MYO3B: variants seen among roughly 807,000 people sequenced by gnomAD.
MYO3B encodes myosin-IIIb.
In MYO3B, 156 loss-of-function variants were observed where a neutral mutation model predicts 174.6. The ratio of observed to expected loss-of-function variants is 0.89; its 90% confidence interval spans 0.78 to 1.02. The LOEUF (loss-of-function observed/expected upper bound fraction) is 1.02, where lower values mean the gene tolerates loss of function less well. Ranked by LOEUF, MYO3B falls within the 50% of genes least tolerant of loss-of-function variation. The pLI is 0.00. For synonymous variants in MYO3B, 563 were observed against 569.1 expected, an observed-to-expected ratio of 0.99 and a Z score of 0.15; for missense variants, 1,632 against 1,639.4, an observed-to-expected ratio of 1.00 and a Z score of 0.08.
At chr2:170,312,424 G>T (rs1431498291) in intron 7 of MYO3B, among the ~76,000 whole-genome samples, 1 of 152,246 alleles carries the variant, frequency 6.6e-6, no homozygotes, top group South Asian at 2.1e-4. Flanking sequence ...TTTAGTAGGG[G>T]ATGACTGTGC....
intron 25 of MYO3B, among the ~76,000 whole-genome samples, chr2:170,478,247 G>C (rs1300078077): frequency 6.6e-6 from 1 of 152,044 alleles, no homozygotes; most frequent in Admixed American, 6.5e-5. Flanking sequence ...CATTTAGCCA[G>C]GGAGAAGTGA....
At chr2:170,359,462 A>G (rs1322356731) in intron 8 of MYO3B, among the ~76,000 whole-genome samples, 1 of 152,182 alleles carries the variant, frequency 6.6e-6, no homozygotes, top group Admixed American at 6.5e-5. Flanking sequence ...TAATTGTGTT[A>G]TATCCTTGTT....
chr2:170,182,711 A>G (rs1013768072), intron 1 of MYO3B, among the ~76,000 whole-genome samples: 1 of 144,372 alleles, frequency 6.9e-6, no homozygotes, highest in Non-Finnish European at 1.5e-5. Context: ...TCCCAGGTTT[A>G]TGTTATTCTC....
intron 25 of MYO3B, among the ~76,000 whole-genome samples, chr2:170,490,617 A>C (rs1386437104): frequency 6.6e-6 from 1 of 152,080 alleles, no homozygotes; most frequent in Non-Finnish European, 1.5e-5. Context: ...ATTTGTTCCT[A>C]ATCTTAGGAG....
intron 32 of MYO3B, among the ~76,000 whole-genome samples, chr2:170,597,372 GAAA>G (rs1045370668): frequency 1.6e-5 from 1 of 61,326 alleles, no homozygotes; most frequent in East Asian, 4.2e-4. Context: ...CATCTCAAAA[GAAA>G]AAAAAAAAAA....
intron 7 of MYO3B, among the ~76,000 whole-genome samples, chr2:170,247,595 G>A (rs1292996808): frequency 1.3e-5 from 2 of 152,194 alleles, no homozygotes; most frequent in African/African-American, 4.8e-5. Context: ...GTAGCTTACA[G>A]ACAATAGAAA....
intron 32 of MYO3B, among the ~76,000 whole-genome samples, chr2:170,596,330 G>A (rs906140547): frequency 6.6e-6 from 1 of 152,188 alleles, no homozygotes; most frequent in African/African-American, 2.4e-5. Flanking sequence ...GTCGCTTCAG[G>A]TAGAGGCCCT....
chr2:170,329,426 G>A (rs2093895882), intron 7 of MYO3B, among the ~76,000 whole-genome samples: 1 of 151,768 alleles, frequency 6.6e-6, no homozygotes. Flanking sequence ...CTGTCGCCAG[G>A]CTGGAGTGGA....
intron 16 of MYO3B, among the ~76,000 whole-genome samples, chr2:170,398,699 G>A (rs752760821): frequency 6.6e-6 from 1 of 152,132 alleles, no homozygotes; most frequent in Non-Finnish European, 1.5e-5. Context: ...GGTTTTAGAT[G>A]CTTTTGTGCC....
At chr2:170,615,754 G>T (rs974533539) in intron 32 of MYO3B, among the ~76,000 whole-genome samples, 12 of 152,146 alleles carry the variant, frequency 7.9e-5, no homozygotes, top group African/African-American at 2.9e-4. Context: ...ACACACACAA[G>T]ATAGTGAAAG....
intron 25 of MYO3B, among the ~76,000 whole-genome samples, chr2:170,472,804 C>T (rs574559558): frequency 6.6e-5 from 10 of 151,922 alleles, no homozygotes; most frequent in Admixed American, 1.3e-4. Flanking sequence ...TGGGTTCAAG[C>T]GACCCTCCCA....
intron 28 of MYO3B, 101 bp from the exon 29 acceptor site, chr2:170,514,820 A>C: frequency 1.0e-6 from 1 of 953,510 alleles, no homozygotes; most frequent in South Asian, 1.7e-5. Context: ...GAACCGTAAG[A>C]AAAGTGTGGA....
chr2:170,229,469 A>G (rs1027252434), intron 6 of MYO3B, among the ~76,000 whole-genome samples: 1 of 152,252 alleles, frequency 6.6e-6, no homozygotes, highest in Admixed American at 6.5e-5. Context: ...GAGAAATCAG[A>G]ACATAGAAGG....
Position 170,613,785 on chromosome 2 carries a change from C to T in MYO3B, c.3734-37843C>T, listed in dbSNP as rs183911481. 5.0e-4 allele frequency among the ~76,000 whole-genome samples: 76 copies of T among 152,208 alleles called. No individual in the cohort carries two copies. The Middle Eastern group carries it at 0.014, about 27-fold the overall frequency. Reference sequence around the variant, plus strand: ...TGTGAAAGGAAGAGACGAGACAAGACGAGCCTCCCAGCCCACATCTTTCAC... The same window carrying T: ...TGTGAAAGGAAGAGACGAGACAAGATGAGCCTCCCAGCCCACATCTTTCAC... On this transcript the variant is annotated intron_variant, in intron 32 of 34. Transcript: ENST00000408978.
At chr2:170,637,126 G>A (rs2105419992) in intron 32 of MYO3B, among the ~76,000 whole-genome samples, 1 of 150,350 alleles carries the variant, frequency 6.7e-6, no homozygotes, top group East Asian at 1.9e-4. Flanking sequence ...CATATAGGAA[G>A]GTGCTTATAG....
rs144834874 is a variant in MYO3B at position 170,225,339 on chromosome 2, C to T, written c.603+7944C>T. On this transcript the variant is annotated intron_variant, in intron 6 of 34. Transcript: ENST00000408978. ...GAGTTTGAACCCAGATATTTGTCTC[C>T]AAAGTCCTTACTTTTAACCACTATA... is the stretch of plus-strand genomic sequence containing the variant. Among the ~76,000 whole-genome samples, 6 of 152,300 alleles carry T rather than the reference C, an allele frequency of 3.9e-5. No homozygotes were observed. The East Asian group carries it at 5.8e-4, about 15-fold the overall frequency.
chr2:170,260,559 G>A (rs2093338006), intron 7 of MYO3B, among the ~76,000 whole-genome samples: 1 of 152,174 alleles, frequency 6.6e-6, no homozygotes, highest in Admixed American at 6.5e-5. Context: ...ACTGGAGTTG[G>A]GAGAGGAGAA....
chr2:170,437,818 T>C (rs1197485053), intron 22 of MYO3B, among the ~76,000 whole-genome samples: 1 of 152,136 alleles, frequency 6.6e-6, no homozygotes, highest in Non-Finnish European at 1.5e-5. Context: ...ACCCTCACAA[T>C]GGCGCGCTCT....
At position 170,514,962 on chromosome 2, in the gene MYO3B, G is replaced by C. The variant is rs376278701; in HGVS notation, c.3412G>C (p.Ala1138Pro). 1 of 1,613,884 alleles carries C rather than the reference G, an allele frequency of 6.2e-7. No homozygotes were observed. Among genetic ancestry groups the C allele is most frequent in the East Asian group, 2.2e-5 (1 of 44,878 alleles). ...AAGCAGTGGGCCACATTCCCCCGTC[G>C]CAGCAGGTACGAGGGGAAGTGCCGA... is the stretch of plus-strand genomic sequence containing the variant. ...NQSSGPHSPVAAGTRGSAEVQ... is the reference protein window; with the variant it reads ...NQSSGPHSPVPAGTRGSAEVQ... Residue 1138 changes from alanine to proline, a missense_variant, in exon 29 of 35, where the codon GCA becomes CCA. Coordinates refer to ENST00000408978, the MANE Select transcript of MYO3B (RefSeq NM_138995.5).
Sources: allele counts gnomAD v4.1 joint callset (sites outside exome capture counted in the v4.1 genomes callset), GRCh38; gene constraint gnomAD v4.1.1; transcripts MANE v1.5; gene names NCBI Gene and HGNC (gene_info 2026-07-23, HGNC 2026-07-21).